BAIAP2L2: variants seen among roughly 807,000 people sequenced by gnomAD.
The protein encoded by BAIAP2L2 is BAR/IMD domain containing adaptor protein 2 like 2, also known as BAR/IMD domain-containing adapter protein 2-like 2.
In BAIAP2L2, 65 loss-of-function variants were observed where a neutral mutation model predicts 60.4. The ratio of observed to expected loss-of-function variants is 1.08; its 90% CI spans 0.88 to 1.32. BAIAP2L2 has a LOEUF of 1.32. BAIAP2L2 is among the 40% of genes most tolerant of loss of function. The pLI, the probability that BAIAP2L2 is intolerant of heterozygous loss-of-function variation, is 0.00. For missense variants in BAIAP2L2, 836 were observed against 741.2 expected (o/e 1.13, Z -1.48); for synonymous variants, 344 against 301.7 (o/e 1.14, Z -1.45).
intron 7 of BAIAP2L2, among the ~76,000 whole-genome samples, chr22:38,092,569 G>A (rs764602905): frequency 1.3e-5 from 2 of 152,028 alleles, no homozygotes; most frequent in Non-Finnish European, 2.9e-5. Flanking sequence ...GAGCCACCAC[G>A]CCCACCCCAA....
chr22:38,109,177 T>C lies in BAIAP2L2; in HGVS notation c.83A>G (p.Glu28Gly). 6.2e-7 allele frequency: 1 copy of C among 1,613,052 alleles called. No homozygotes were observed. Among genetic ancestry groups the C allele is most frequent in the Admixed American group, 1.7e-5 (1 of 59,972 alleles). ...SIMEQFNPAL[E>G]NLVYLGNNYL... Reference sequence around the variant, plus strand: ...GTTGTTGCCCAGGTACACCAGGTTCTCCAGGGCGGGGTTAAACTGCTCCAT... The same window carrying C: ...GTTGTTGCCCAGGTACACCAGGTTCCCCAGGGCGGGGTTAAACTGCTCCAT... The change falls in exon 2 of 14, where the codon GAG (glutamate) becomes GGG (glycine). Residue 28 changes from glutamate (E) to glycine (G), a missense_variant. Glu to Gly is a moderately conservative substitution (Grantham distance 98). Transcript: ENST00000381669.
intron 6 of BAIAP2L2, 51 bp downstream of exon 6, chr22:38,098,011 AG>A: frequency 2.1e-6 from 1 of 485,508 alleles, no homozygotes. Context: ...TCTCGCCCCG[AG>A]GTCTGCCCAC....
Position 38,090,112 on chromosome 22 carries a change from T to TTTTTTTTTTTA in BAIAP2L2, c.613-439_613-438insTAAAAAAAAAA, listed in dbSNP as rs2086253636. The TTTTTTTTTTTA allele has an allele frequency of 2.0e-3, 175 of 89,226 alleles. 2 individuals are homozygous for TTTTTTTTTTTA. Among genetic ancestry groups the TTTTTTTTTTTA allele is most frequent in the South Asian group, 2.7e-3 (5 of 1,870 alleles). The allele number at this position is 89,226 out of a possible 1,614,324, so 5.5% of individuals were successfully genotyped here. A position where few individuals can be genotyped will look rare whatever the true frequency, so the allele number is the denominator to read the frequency against. On this transcript the variant is annotated intron_variant, in intron 7 of 13. Transcript: ENST00000381669. ...TATGGAAAATGCATTTTTTTTTTTTTTTTTTTTTTTTTTTTTTAGACGGAG... is the reference window on the plus strand; with the variant it reads ...TATGGAAAATGCATTTTTTTTTTTTTTTTTTTTTTTATTTTTTTTTTTTTTTTTAGACGGAG...
At chr22:38,106,528 TAAAA>T (rs71195083) in intron 4 of BAIAP2L2, among the ~76,000 whole-genome samples, 1 of 121,962 alleles carries the variant, frequency 8.2e-6, no homozygotes, top group Non-Finnish European at 1.7e-5. Flanking sequence ...TCAAAAAAAT[TAAAA>T]AAAAAAAAAA....
At chr22:38,101,856 AAAAC>A (rs547075502) in intron 4 of BAIAP2L2, among the ~76,000 whole-genome samples, 190 of 151,832 alleles carry the variant, frequency 1.3e-3, no homozygotes, top group Non-Finnish European at 2.2e-3. Context: ...TCCGTCTCAA[AAAAC>A]AAACAAACAA....
intron 2 of BAIAP2L2, 23 bp from the exon 3 acceptor site, chr22:38,108,364 C>T: frequency 6.3e-7 from 1 of 1,589,772 alleles, no homozygotes; most frequent in South Asian, 1.1e-5. Flanking sequence ...AGGGACAGGT[C>T]TGGTCCAGCC....
intron 4 of BAIAP2L2, among the ~76,000 whole-genome samples, chr22:38,107,086 C>T (rs2086679939): frequency 6.6e-6 from 1 of 152,088 alleles, no homozygotes; most frequent in Non-Finnish European, 1.5e-5. Context: ...CTCTCCATTC[C>T]TCAGATAGGT....
chr22:38,100,944 G>C (rs2086553586), intron 4 of BAIAP2L2, among the ~76,000 whole-genome samples: 1 of 152,040 alleles, frequency 6.6e-6, no homozygotes, highest in Non-Finnish European at 1.5e-5. Flanking sequence ...AAGTCAGAAA[G>C]CCTTTGCCCC....
Position 38,086,421 on chromosome 22 carries a change from G to A in BAIAP2L2, c.1288C>T (p.Leu430Phe). The A allele has an allele frequency of 1.3e-6, 2 of 1,524,112 alleles. No homozygotes were observed. The highest frequency in any genetic ancestry group is 1.7e-4 in the Middle Eastern group (1 of 5,720). The allele number at this position is 1,524,112 out of a possible 1,614,324, so 94.4% of individuals were successfully genotyped here. The change falls in exon 12 of 14, where the codon CTC (leucine) becomes TTC (phenylalanine). Residue 430 changes from leucine (L) to phenylalanine (F), a missense_variant. Coordinates refer to ENST00000381669, the MANE Select transcript of BAIAP2L2 (RefSeq NM_025045.6). Reference sequence around the variant, plus strand: ...CCCGGCCGGTCCAGGAGGTCATCGAGGCTGTGGCTGCCCCGGAGTGGGTAG... The same window carrying A: ...CCCGGCCGGTCCAGGAGGTCATCGAAGCTGTGGCTGCCCCGGAGTGGGTAG... Reference protein sequence around the residue: ...RSYPLRGSHSLDDLLDRPGNS... With the variant: ...RSYPLRGSHSFDDLLDRPGNS...
At chr22:38,109,525 G>A (rs1442013048) in intron 1 of BAIAP2L2, among the ~76,000 whole-genome samples, 1 of 152,160 alleles carries the variant, frequency 6.6e-6, no homozygotes, top group African/African-American at 2.4e-5. Context: ...TCCTCCCGCT[G>A]GGCAGAAGCT....
intron 13 of BAIAP2L2, 60 bp downstream of exon 13, chr22:38,085,626 A>G (rs2086037900): frequency 4.5e-6 from 7 of 1,562,208 alleles, no homozygotes; most frequent in Non-Finnish European, 6.2e-6. Context: ...TGGGACTACA[A>G]GTGTGTGCCG....
At chr22:38,101,655 A>G (rs887850316) in intron 4 of BAIAP2L2, among the ~76,000 whole-genome samples, 21 of 151,806 alleles carry the variant, frequency 1.4e-4, no homozygotes, top group Admixed American at 1.3e-3. Context: ...GGAGTTTGAG[A>G]CCAGCCTGGC....
At chr22:38,086,217 C>G in intron 12 of BAIAP2L2, 25 bp downstream of exon 12, 2 of 1,605,164 alleles carry the variant, frequency 1.2e-6, no homozygotes, top group Non-Finnish European at 1.7e-6. Context: ...CTGGAGGCCC[C>G]AAGAGAGGGC....
In BAIAP2L2 at chr22:38,097,066, A is replaced by C. The variant is rs1388627656; in HGVS notation, c.578T>G (p.Leu193Arg). The C allele has an allele frequency of 6.2e-7, 1 of 1,613,942 alleles. No individual in the cohort carries two copies. Among genetic ancestry groups the C allele is most frequent in the African/African-American group, 1.3e-5 (1 of 74,926 alleles). Reference sequence around the variant, plus strand: ...GAACTGCAGGAAGGTGTTGGAAAGTAGCAGGTGCTTCTCTGCTAGGAAGCG... The same window carrying C: ...GAACTGCAGGAAGGTGTTGGAAAGTCGCAGGTGCTTCTCTGCTAGGAAGCG... ...RYRFLAEKHL[L>R]LSNTFLQFFG... Residue 193 changes from leucine to arginine, a missense_variant, in exon 7 of 14, where the codon CTA becomes CGA. Transcript: ENST00000381669.
In BAIAP2L2 at chr22:38,107,876, G is replaced by C. The variant is rs1296872150; in HGVS notation, c.252C>G (p.His84Gln). ...CCACCACCTCCAGGTCAGAGTTCAA[G>C]TGCCGCTGGGTGTCAGACATCTGCA... The part of the protein sequence containing the change: ...ILVQMSDTQR[H>Q]LNSDLEVVVQ... Residue 84 changes from histidine to glutamine, a missense_variant, in exon 4 of 14, where the codon CAC (histidine) becomes CAG (glutamine). Coordinates refer to ENST00000381669, the MANE Select transcript of BAIAP2L2 (RefSeq NM_025045.6). The C allele has an allele frequency of 1.2e-6, 2 of 1,613,558 alleles. No homozygotes were observed.
At chr22:38,087,324 AAAG>A in intron 10 of BAIAP2L2, 60 bp from the exon 11 acceptor site, 1 of 1,555,218 alleles carries the variant, frequency 6.4e-7, no homozygotes, top group Non-Finnish European at 8.6e-7. Flanking sequence ...ACAATGACCA[AAAG>A]AAGACATCCT....
intron 8 of BAIAP2L2, 63 bp downstream of exon 8, chr22:38,089,459 G>T: frequency 1.0e-6 from 1 of 978,832 alleles, no homozygotes; most frequent in Non-Finnish European, 1.3e-6. Flanking sequence ...GGGGCCTGAG[G>T]CCCCGGGCCC....
Position 38,089,523 on chromosome 22 carries a change from A to C in BAIAP2L2, c.764T>G (p.Met255Arg). The C allele has an allele frequency of 8.3e-7, 1 of 1,211,170 alleles. No individual in the cohort carries two copies. The highest frequency in any genetic ancestry group is 1.0e-6 in the Non-Finnish European group (1 of 974,972). 75.0% of individuals were successfully genotyped at this position (1,211,170 alleles called of 1,614,324 possible). The change falls in exon 8 of 14, where the codon ATG becomes AGG. Residue 255 changes from methionine to arginine, a missense_variant and splice_region_variant. Met to Arg is a moderately conservative substitution (Grantham distance 91). Transcript: ENST00000381669. ...CGGCGGGGGCGCCCAGGGCCTCACC[A>C]TGTCCAGGCAGGTGGGCGTCAGGCG... is the stretch of plus-strand genomic sequence containing the variant. Reference protein sequence around the residue: ...SGRLTPTCLDMPPRPLGEFSS... With the variant: ...SGRLTPTCLDRPPRPLGEFSS...
intron 4 of BAIAP2L2, among the ~76,000 whole-genome samples, chr22:38,100,613 C>G (rs1198188113): frequency 6.6e-6 from 1 of 152,118 alleles, no homozygotes; most frequent in Non-Finnish European, 1.5e-5. Flanking sequence ...TGCTGTCTTG[C>G]CATGTGACGC....
Sources: allele counts gnomAD v4.1 joint callset (sites outside exome capture counted in the v4.1 genomes callset), GRCh38; gene constraint gnomAD v4.1.1; transcripts MANE v1.5; gene names NCBI Gene and HGNC (gene_info 2026-07-23, HGNC 2026-07-21).